GLO1: variants seen among roughly 807,000 people sequenced by gnomAD.
GLO1 encodes lactoylglutathione lyase.
A neutral mutation model predicts 26.0 loss-of-function variants in GLO1; 28 were observed. The observed-to-expected ratio is 1.08, with a 90% CI of 0.80 to 1.48. The LOEUF (loss-of-function observed/expected upper bound fraction) is 1.48. Ranked by LOEUF, GLO1 falls within the 40% of genes most tolerant of loss-of-function variation. The pLI, the probability that GLO1 is intolerant of heterozygous loss-of-function variation, is 0.00. For synonymous variants in GLO1, 78 were observed against 77.6 expected (o/e 1.00, Z -0.03); for missense variants, 225 against 224.8 (o/e 1.00, Z -0.01).
intron 1 of GLO1, among the ~76,000 whole-genome samples, chr6:38,696,364 C>T (rs915206809): frequency 6.6e-6 from 1 of 152,190 alleles, no homozygotes; most frequent in Non-Finnish European, 1.5e-5. Context: ...TCCATTGCCT[C>T]TTATCTTAGT....
At chr6:38,692,155 T>TG (rs1761540381) in intron 1 of GLO1, among the ~76,000 whole-genome samples, 1 of 152,200 alleles carries the variant, frequency 6.6e-6, no homozygotes, top group Admixed American at 6.5e-5. Context: ...ATCCTTACTG[T>TG]GCTGAGTCTT....
chr6:38,700,783 G>GTT (rs34141605), intron 1 of GLO1, among the ~76,000 whole-genome samples: 46,335 of 138,890 alleles, frequency 0.33, 7,318 homozygotes, highest in South Asian at 0.38. Context: ...TTCATTGAGG[G>GTT]TTTTTTTTTT....
chr6:38,677,176 C>T lies in GLO1; in HGVS notation c.*119G>A, dbSNP rs1761267407. The T allele has an allele frequency of 4.2e-6, 3 of 709,796 alleles. No individual in the cohort carries two copies. The South Asian group carries it at 4.7e-5, about 11-fold the overall frequency. The allele number at this position is 709,796 out of a possible 1,614,324, so 44.0% of individuals were successfully genotyped here. On this transcript the variant is annotated 3_prime_UTR_variant, in exon 6 of 6. Transcript: ENST00000373365. ...AGCTGAAATAGGAAGGGGAAATGGA[C>T]TGAAGAATAATTTGAATCGGGACAG...
rs1040617311 is a variant in GLO1, at chr6:38,677,338, C to T, written c.512G>A (p.Trp171Ter). ...TTTGTTAGGATTCAAAATTTCAATC[C>T]AGTAGCCATCAGGATCTTGAATAAA... ...LAFIQDPDGY[W>*]IEILNPNKMA... Residue 171 changes from tryptophan (W) to a stop codon, truncating the protein, a stop_gained, in exon 6 of 6, where the codon TGG becomes TAG. Transcript: ENST00000373365. LOFTEE classifies it high-confidence loss of function. 2 of 1,567,672 alleles carry T rather than the reference C, an allele frequency of 1.3e-6. No individual in the cohort carries two copies. Among genetic ancestry groups the T allele is most frequent in the Non-Finnish European group, 1.8e-6 (2 of 1,137,854 alleles).
At position 38,702,957 on chromosome 6, in the gene GLO1, G is replaced by T. The variant is rs9470920; in HGVS notation, c.84+14C>A. The stretch of plus-strand genomic sequence containing the variant: ...CGGAGCTGGGGGAGCCGTTCCCTTC[G>T]GTCCTGTGCCCACCTTGGTACTGGG... On this transcript the variant is annotated intron_variant, in intron 1 of 5. Transcript: ENST00000373365. The T allele has an allele frequency of 4.4e-4, 653 of 1,481,832 alleles. 1 individual carries two copies. The highest frequency in any genetic ancestry group is 2.5e-3 in the African/African-American group (181 of 72,054). 91.8% of individuals were successfully genotyped at this position (1,481,832 alleles called of 1,614,324 possible). A position where few individuals can be genotyped will look rare whatever the true frequency, so the allele number is the denominator to read the frequency against.
chr6:38,694,464 AG>A (rs1761579896), intron 1 of GLO1, among the ~76,000 whole-genome samples: 2 of 152,224 alleles, frequency 1.3e-5, no homozygotes, highest in South Asian at 4.1e-4. Flanking sequence ...GGATTGCTTG[AG>A]CCCCAGAGTT....
intron 5 of GLO1, among the ~76,000 whole-genome samples, chr6:38,678,430 G>GAAAAC: frequency 6.6e-6 from 1 of 150,844 alleles, no homozygotes; most frequent in Non-Finnish European, 1.5e-5. Context: ...GAAAAGAAAA[G>GAAAAC]AAAAGGAAAG....
intron 5 of GLO1, among the ~76,000 whole-genome samples, chr6:38,679,525 G>A (rs1191327696): frequency 6.6e-6 from 1 of 152,106 alleles, no homozygotes; most frequent in Non-Finnish European, 1.5e-5. Context: ...GCCGGGTGTG[G>A]TGGTTCACAT....
intron 1 of GLO1, among the ~76,000 whole-genome samples, chr6:38,687,824 G>T (rs1337180846): frequency 6.6e-6 from 1 of 151,844 alleles, no homozygotes; most frequent in African/African-American, 2.4e-5. Context: ...TCTAAGTTTT[G>T]GTCTCCCTTT....
chr6:38,685,293 G>A (rs956562584), intron 2 of GLO1, among the ~76,000 whole-genome samples: 7 of 152,166 alleles, frequency 4.6e-5, no homozygotes, highest in African/African-American at 1.7e-4. Context: ...TCTCTGAGGG[G>A]AAAGAGACAG....
intron 1 of GLO1, among the ~76,000 whole-genome samples, chr6:38,690,752 G>A (rs1049427242): frequency 1.3e-5 from 2 of 152,104 alleles, no homozygotes; most frequent in Non-Finnish European, 2.9e-5. Flanking sequence ...TATATTCAAC[G>A]TTAGTGAATT....
chr6:38,690,437 A>C (rs1409686884), intron 1 of GLO1, among the ~76,000 whole-genome samples: 1 of 152,200 alleles, frequency 6.6e-6, no homozygotes, highest in African/African-American at 2.4e-5. Flanking sequence ...AACATTTAAA[A>C]TGCTGCGTCG....
chr6:38,693,604 A>G (rs1038913060), intron 1 of GLO1, among the ~76,000 whole-genome samples: 1 of 151,552 alleles, frequency 6.6e-6, no homozygotes, highest in South Asian at 2.1e-4. Context: ...AGTCAGTGCT[A>G]TACATTTCCC....
intron 1 of GLO1, among the ~76,000 whole-genome samples, chr6:38,698,472 A>G (rs1297284766): frequency 6.8e-6 from 1 of 147,568 alleles, no homozygotes; most frequent in Non-Finnish European, 1.5e-5. Flanking sequence ...ATATTAATAT[A>G]TATTAATTTT....
Position 38,684,532 on chromosome 6 carries a change from C to G in GLO1, c.168-18G>C, listed in dbSNP as rs376656094. The G allele has an allele frequency of 3.2e-5, 47 of 1,463,656 alleles. No individual in the cohort carries two copies. The highest frequency in any genetic ancestry group is 4.2e-5 in the Non-Finnish European group (46 of 1,102,786). 90.7% of individuals were successfully genotyped at this position (1,463,656 alleles called of 1,614,324 possible). A position where few individuals can be genotyped will look rare whatever the true frequency, so the allele number is the denominator to read the frequency against. On this transcript the variant is annotated intron_variant, in intron 2 of 5. Transcript: ENST00000373365. ...GGATTAGCCTGCAATGAAAAAACAA[C>G]AAGCCTGAATCATTAACAACAGGAA...
rs147333662 is a variant in GLO1 at position 38,695,576 on chromosome 6, G to A, written c.84+7395C>T. 2.8e-4 allele frequency among the ~76,000 whole-genome samples: 42 copies of A among 152,158 alleles called. No homozygotes were observed. The East Asian group carries it at 8.1e-3, about 29-fold the overall frequency. ...GTGTCTCCATTGATATGGCAAGAGG[G>A]GAAAGCCTGGCAGGATGAAAGTCCT... On this transcript the variant is annotated intron_variant, in intron 1 of 5. Coordinates refer to ENST00000373365, the MANE Select transcript of GLO1 (RefSeq NM_006708.3).
In GLO1 at chr6:38,684,507, G is replaced by T. The variant is rs1236305481; in HGVS notation, c.175C>A (p.Gln59Lys). The T allele has an allele frequency of 6.5e-7, 1 of 1,527,862 alleles. No homozygotes were observed. Among genetic ancestry groups the T allele is most frequent in the Admixed American group, 2.0e-5 (1 of 49,166 alleles). The allele number at this position is 1,527,862 out of a possible 1,614,324, so 94.6% of individuals were successfully genotyped here. The change falls in exon 3 of 6, where the codon CAA (glutamine) becomes AAA (lysine). Residue 59 changes from glutamine (Q) to lysine (K), a missense_variant. Gln to Lys is a moderately conservative substitution (Grantham distance 53). Coordinates refer to ENST00000373365, the MANE Select transcript of GLO1 (RefSeq NM_006708.3). ...YTRVLGMTLIQKCDFPIMKFS... is the reference protein window; with the variant it reads ...YTRVLGMTLIKKCDFPIMKFS... Reference sequence around the variant, plus strand: ...TTCATAATGGGAAAATCACATTTTTGGATTAGCCTGCAATGAAAAAACAAC... The same window carrying T: ...TTCATAATGGGAAAATCACATTTTTTGATTAGCCTGCAATGAAAAAACAAC...
At chr6:38,681,613 T>A (rs975615095) in intron 5 of GLO1, among the ~76,000 whole-genome samples, 1 of 152,122 alleles carries the variant, frequency 6.6e-6, no homozygotes, top group African/African-American at 2.4e-5. Context: ...AAATACCATG[T>A]GATTATAAAC....
Position 38,703,006 on chromosome 6 carries a change from G to A in GLO1, c.49C>T (p.Leu17Phe). Residue 17 changes from leucine (L) to phenylalanine (F), a missense_variant, in exon 1 of 6, where the codon CTC becomes TTC. Physicochemically the swap from Leu to Phe is conservative, Grantham distance 22. Coordinates refer to ENST00000373365, the MANE Select transcript of GLO1 (RefSeq NM_006708.3). The stretch of plus-strand genomic sequence containing the variant: ...GGGTCCGCGTCGGAGCAGCAACTGA[G>A]GGCGGCCTCGTCCGTGAGGCCGCCG... ...PSGGLTDEAA[L>F]SCCSDADPST... The A allele has an allele frequency of 6.3e-7, 1 of 1,598,560 alleles. No homozygotes were observed. The highest frequency in any genetic ancestry group is 8.6e-7 in the Non-Finnish European group (1 of 1,168,934).
Sources: allele counts gnomAD v4.1 joint callset (sites outside exome capture counted in the v4.1 genomes callset), GRCh38; gene constraint gnomAD v4.1.1; transcripts MANE v1.5; gene names NCBI Gene and HGNC (gene_info 2026-07-23, HGNC 2026-07-21).